The following ANAPC7 variants were observed in gnomAD, a reference collection of about 807,000 sequenced individuals.
The protein encoded by ANAPC7 is anaphase-promoting complex subunit 7.
ANAPC7 carries 25 observed loss-of-function variants against 63.3 expected under a neutral mutation model. That is an observed-to-expected ratio of 0.39 (90% CI 0.29 to 0.55). The LOEUF is 0.55. ANAPC7 is among the 20% of genes least tolerant of loss of function. ANAPC7 has a pLI of 0.57. For missense variants in ANAPC7, 516 were observed against 691.7 expected (o/e 0.75, Z 2.85); for synonymous variants, 241 against 251.7 (o/e 0.96, Z 0.40).
intron 10 of ANAPC7, chr12:110,375,759 T>C (rs939636875): frequency 2.9e-6 from 3 of 1,019,010 alleles, no homozygotes; most frequent in Admixed American, 5.6e-5. Flanking sequence ...AAATATATAC[T>C]AGGTACAGCC....
At chr12:110,386,211 T>C in intron 6 of ANAPC7, 116 bp downstream of exon 6, 1 of 1,471,246 alleles carries the variant, frequency 6.8e-7, no homozygotes. Context: ...CTAGTATAAG[T>C]TTTATACACC....
chr12:110,387,247 C>CAGAGATACAG (rs1882553649), intron 5 of ANAPC7: 1 of 33,210 alleles, frequency 3.0e-5, no homozygotes, highest in Non-Finnish European at 5.9e-5. Flanking sequence ...GACAGAGAGA[C>CAGAGATACAG]AGAGAGACAG....
intron 3 of ANAPC7, among the ~76,000 whole-genome samples, chr12:110,388,947 T>G (rs1289575399): frequency 6.6e-6 from 1 of 151,706 alleles, no homozygotes; most frequent in Admixed American, 6.6e-5. Context: ...CTGGGCGTGG[T>G]GGCGGGAGCC....
intron 1 of ANAPC7, among the ~76,000 whole-genome samples, chr12:110,399,613 T>C (rs1489754024): frequency 6.6e-6 from 1 of 152,012 alleles, no homozygotes; most frequent in Non-Finnish European, 1.5e-5. Flanking sequence ...ATTTTGTAAA[T>C]ACACTAAAAC....
chr12:110,398,605 A>T (rs1227418690), intron 1 of ANAPC7, among the ~76,000 whole-genome samples: 1 of 152,132 alleles, frequency 6.6e-6, no homozygotes. Flanking sequence ...TCAACCTCCA[A>T]TTCCACTCCT....
At chr12:110,401,745 G>A (rs2062231103) in intron 1 of ANAPC7, among the ~76,000 whole-genome samples, 1 of 152,042 alleles carries the variant, frequency 6.6e-6, no homozygotes, top group South Asian at 2.1e-4. Flanking sequence ...CAGCACTTTG[G>A]GAGGCCGAGG....
rs1264540056 is a variant in ANAPC7, at chr12:110,373,571, A to G, written c.*573T>C. The G allele has an allele frequency of 1.3e-5, 2 of 152,328 alleles. No homozygotes were observed. Among genetic ancestry groups the G allele is most frequent in the Non-Finnish European group, 2.9e-5 (2 of 68,122 alleles). 9.4% of individuals were successfully genotyped at this position (152,328 alleles called of 1,614,324 possible). ...CTGTTTCTCAGATCAGCCCAGGCTC[A>G]GAGGCAAGTTACTAGCTAAGCAAAG... is the stretch of plus-strand genomic sequence containing the variant. On this transcript the variant is annotated 3_prime_UTR_variant, in exon 11 of 11. Coordinates refer to ENST00000455511, the MANE Select transcript of ANAPC7 (RefSeq NM_016238.3).
At chr12:110,387,988 C>T in intron 4 of ANAPC7, 96 bp from the exon 5 acceptor site, 1 of 1,322,546 alleles carries the variant, frequency 7.6e-7, no homozygotes, top group East Asian at 2.4e-5. Context: ...GGCTAAAAGG[C>T]AACTGCTTCC....
intron 7 of ANAPC7, among the ~76,000 whole-genome samples, chr12:110,382,496 T>TATATATATA (rs1566264542): frequency 5.0e-5 from 4 of 80,060 alleles, no homozygotes; most frequent in South Asian, 3.5e-4. Context: ...ATATATATAT[T>TATATATATA]TATAGAGACA....
At chr12:110,383,135 G>A in intron 6 of ANAPC7, 175 bp from the exon 7 acceptor site, 1 of 566,202 alleles carries the variant, frequency 1.8e-6, no homozygotes, top group Admixed American at 2.9e-5. Flanking sequence ...CCTACAAAGT[G>A]ACTATTAAAA....
chr12:110,387,790 G>C lies in ANAPC7; in HGVS notation c.623C>G (p.Ala208Gly). The C allele has an allele frequency of 6.2e-7, 1 of 1,614,076 alleles. No homozygotes were observed. The highest frequency in any genetic ancestry group is 8.5e-7 in the Non-Finnish European group (1 of 1,180,020). The part of the protein sequence containing the change: ...NLDWLSVWIK[A>G]YAFVHTGDNS... ...GTCACCAGTGTGCACAAAAGCATAC[G>C]CTTTGATCCACACAGAGAGCCAGTC... The change falls in exon 5 of 11, where the codon GCG becomes GGG. Residue 208 changes from alanine (A) to glycine (G), a missense_variant. Coordinates refer to ENST00000455511, the MANE Select transcript of ANAPC7 (RefSeq NM_016238.3).
chr12:110,376,707 GA>G (rs574188729), intron 9 of ANAPC7, among the ~76,000 whole-genome samples: 1,356 of 121,806 alleles, frequency 0.011, 4 homozygotes, highest in Non-Finnish European at 0.013. Flanking sequence ...AATCAGGACT[GA>G]AAAAAAAAAA....
At chr12:110,386,687 A>C (rs2137949534) in intron 5 of ANAPC7, 1 of 459,138 alleles carries the variant, frequency 2.2e-6, no homozygotes, top group Non-Finnish European at 3.8e-6. Flanking sequence ...CCAACAAATA[A>C]CTCTGTGGTT....
intron 7 of ANAPC7, 147 bp from the exon 8 acceptor site, chr12:110,382,095 T>C (rs1881911203): frequency 2.5e-6 from 2 of 810,474 alleles, no homozygotes; most frequent in Non-Finnish European, 1.8e-6. Flanking sequence ...CCTAAGATAT[T>C]AGTAGAAAAG....
Position 110,374,091 on chromosome 12 carries a change from A to ACTT in ANAPC7, c.*52_*53insAAG. The ACTT allele has an allele frequency of 6.5e-7, 1 of 1,532,336 alleles. No homozygotes were observed. The highest frequency in any genetic ancestry group is 1.9e-5 in the Admixed American group (1 of 51,592). The allele number at this position is 1,532,336 out of a possible 1,614,324, so 94.9% of individuals were successfully genotyped here. A position where few individuals can be genotyped will look rare whatever the true frequency, so the allele number is the denominator to read the frequency against. ...CAGGCTCCTACGGTTCCTTCAGTCC[A>ACTT]CGGAAGTGCTCAGAGCAGGGCAGGC... On this transcript the variant is annotated 3_prime_UTR_variant, in exon 11 of 11. Transcript: ENST00000455511.
intron 2 of ANAPC7, 99 bp from the exon 3 acceptor site, chr12:110,395,319 T>A: frequency 5.9e-6 from 1 of 168,296 alleles, no homozygotes; most frequent in Non-Finnish European, 9.3e-6. Context: ...CCAGCAATTC[T>A]TTTTTTTTTT....
chr12:110,377,992 AAACCC>A (rs1881446070), intron 8 of ANAPC7: 2 of 307,624 alleles, frequency 6.5e-6, no homozygotes, highest in Non-Finnish European at 1.1e-5. Context: ...GTTCCCAACA[AAACCC>A]AAGGTTTTGC....
chr12:110,382,464 ATATATATATAT>A (rs1882011155), intron 7 of ANAPC7, among the ~76,000 whole-genome samples: 1 of 80,712 alleles, frequency 1.2e-5, no homozygotes, highest in Non-Finnish European at 2.5e-5. Context: ...AAAAAAAAAT[ATATATATATAT>A]ATATATATAT....
rs116225614 is a variant in ANAPC7 at position 110,373,993 on chromosome 12, C to T, written c.*151G>A. 3,355 of 846,766 alleles carry T rather than the reference C, an allele frequency of 4.0e-3. 87 individuals carry two copies. In the African/African-American group the frequency reaches 0.053, roughly 13 times the overall value. 52.5% of individuals were successfully genotyped at this position (846,766 alleles called of 1,614,324 possible). ...AGGCTCTGTTTTAGAAATGAAGTCACGACTAGGAATTGGGAGCGAGGGGGC... is the reference window on the plus strand; with the variant it reads ...AGGCTCTGTTTTAGAAATGAAGTCATGACTAGGAATTGGGAGCGAGGGGGC... On this transcript the variant is annotated 3_prime_UTR_variant, in exon 11 of 11. Coordinates refer to ENST00000455511, the MANE Select transcript of ANAPC7 (RefSeq NM_016238.3).
Sources: gnomAD v4.1 joint callset for allele counts (sites outside exome capture counted in the v4.1 genomes callset) on GRCh38, gnomAD v4.1.1 for gene constraint, MANE v1.5 for transcripts, NCBI Gene and HGNC (gene_info 2026-07-23, HGNC 2026-07-21) for gene names.